Variants in CUL2 observed in about 807,000 individuals in gnomAD.
The protein encoded by CUL2 is cullin-2.
In CUL2, 22 loss-of-function variants were observed where a neutral mutation model predicts 110.2. The ratio of observed to expected loss-of-function variants is 0.20; its 90% CI spans 0.14 to 0.28. CUL2 has a LOEUF of 0.28. CUL2 is among the 10% of genes least tolerant of loss of function. CUL2 has a pLI of 1.00. For missense variants in CUL2, 631 were observed against 905.5 expected, an observed-to-expected ratio of 0.70 and a Z score of 3.89; for synonymous variants, 279 against 293.2, an observed-to-expected ratio of 0.95 and a Z score of 0.49.
chr10:35,046,085 T>G (rs2085931512), intron 6 of CUL2, among the ~76,000 whole-genome samples: 1 of 152,252 alleles, frequency 6.6e-6, no homozygotes, highest in Non-Finnish European at 1.5e-5. Context: ...CCTCTTTGAT[T>G]CTTCCTTTAA....
chr10:35,097,377 A>T (rs532845403), intron 2 of CUL2, among the ~76,000 whole-genome samples: 5 of 151,806 alleles, frequency 3.3e-5, no homozygotes, highest in Non-Finnish European at 7.4e-5. Context: ...GTGCAAGACC[A>T]GCCTGGGGAG....
chr10:35,055,951 G>A (rs1366672040), intron 4 of CUL2, among the ~76,000 whole-genome samples: 1 of 152,144 alleles, frequency 6.6e-6, no homozygotes, highest in African/African-American at 2.4e-5. Context: ...CCTTTCATCC[G>A]AGTCTCAGCA....
intron 1 of CUL2, among the ~76,000 whole-genome samples, chr10:35,109,125 A>T (rs1045685079): frequency 6.6e-6 from 1 of 152,084 alleles, no homozygotes; most frequent in African/African-American, 2.4e-5. Context: ...AGGTAAGAGG[A>T]TTGCTTGAGC....
chr10:35,116,559 CTT>C (rs1188829918), intron 1 of CUL2, among the ~76,000 whole-genome samples: 1 of 152,102 alleles, frequency 6.6e-6, no homozygotes, highest in African/African-American at 2.4e-5. Context: ...GTTTAACCCT[CTT>C]TGAATCCTTT....
chr10:35,085,975 C>G (rs539162767), intron 1 of CUL2, among the ~76,000 whole-genome samples: 35 of 152,186 alleles, frequency 2.3e-4, no homozygotes, highest in African/African-American at 7.7e-4. Context: ...GGGTAACAAA[C>G]CTACGTGTGT....
intron 1 of CUL2, among the ~76,000 whole-genome samples, chr10:35,075,434 A>G (rs923204916): frequency 2.0e-5 from 3 of 152,152 alleles, no homozygotes; most frequent in Non-Finnish European, 4.4e-5. Flanking sequence ...CAACTCATAA[A>G]TCTATCAGTC....
chr10:35,028,623 C>A (rs1456481744), intron 16 of CUL2, among the ~76,000 whole-genome samples, 187 bp downstream of exon 16: 4 of 152,118 alleles, frequency 2.6e-5, no homozygotes, highest in Non-Finnish European at 5.9e-5. Context: ...TTCTTCTTAG[C>A]ATTTTAGTAT....
intron 2 of CUL2, among the ~76,000 whole-genome samples, chr10:35,098,376 T>C (rs749610528): frequency 1.3e-5 from 2 of 152,202 alleles, no homozygotes; most frequent in Non-Finnish European, 2.9e-5. Context: ...CAAGGACTTA[T>C]ACATGACATG....
At chr10:35,010,804 C>T (rs1178973348) in intron 20 of CUL2, among the ~76,000 whole-genome samples, 1 of 152,148 alleles carries the variant, frequency 6.6e-6, no homozygotes, top group Non-Finnish European at 1.5e-5. Context: ...TCAGTGCATG[C>T]TAATGTAATT....
intron 1 of CUL2, among the ~76,000 whole-genome samples, chr10:35,112,475 A>C (rs1201104967): frequency 6.6e-6 from 1 of 152,176 alleles, no homozygotes; most frequent in African/African-American, 2.4e-5. Context: ...CTCTCTGGCT[A>C]AGTTGAGGAG....
At chr10:35,116,711 A>C (rs1347166007) in intron 1 of CUL2, among the ~76,000 whole-genome samples, 1 of 152,200 alleles carries the variant, frequency 6.6e-6, no homozygotes, top group Non-Finnish European at 1.5e-5. Context: ...TCAAGCCTGT[A>C]ATCCCAGCAT....
intron 6 of CUL2, among the ~76,000 whole-genome samples, chr10:35,047,588 C>A (rs2085977107): frequency 1.5e-5 from 2 of 135,144 alleles, no homozygotes; most frequent in South Asian, 4.7e-4. Flanking sequence ...CCAACCTGGG[C>A]AACAGAGCAA....
At chr10:35,104,161 C>A (rs1167475171) in intron 1 of CUL2, among the ~76,000 whole-genome samples, 2 of 152,100 alleles carry the variant, frequency 1.3e-5, no homozygotes, top group African/African-American at 4.8e-5. Context: ...AAGATGACAC[C>A]AGAGGCTGGG....
chr10:35,059,500 A>AT (rs1282734224), intron 4 of CUL2, among the ~76,000 whole-genome samples: 2 of 152,242 alleles, frequency 1.3e-5, no homozygotes, highest in Non-Finnish European at 2.9e-5. Flanking sequence ...AGTTGTGCAC[A>AT]TTTTTTTAGA....
intron 1 of CUL2, among the ~76,000 whole-genome samples, chr10:35,087,608 T>C (rs1454652779): frequency 2.0e-5 from 3 of 152,168 alleles, no homozygotes; most frequent in African/African-American, 7.2e-5. Flanking sequence ...CAACCTCTTC[T>C]TCATCTCAGT....
intron 1 of CUL2, among the ~76,000 whole-genome samples, chr10:35,101,505 T>A (rs924282664): frequency 9.2e-5 from 14 of 152,346 alleles, no homozygotes; most frequent in Admixed American, 9.2e-4. Context: ...GAAGCTACAA[T>A]GAAGACTTAA....
Position 35,044,785 on chromosome 10 carries a change from T to C in CUL2, c.590A>G (p.Lys197Arg), listed in dbSNP as rs1160531851. Residue 197 changes from lysine (K) to arginine (R), a missense_variant, in exon 7 of 21, where the codon AAA becomes AGA. Physicochemically the swap from Lys to Arg is conservative, Grantham distance 26 (BLOSUM62 2). Coordinates refer to ENST00000374749, the MANE Select transcript of CUL2 (RefSeq NM_003591.4). ...GAGGCTGTTTACCTTTAAGGGGAAT[T>C]TTTTCTTATACTGTTCAACATGAAC... ...SFVHVEQYKK[K>R]FPLKFYQEIF... 2.5e-6 allele frequency: 4 copies of C among 1,611,112 alleles called. No individual in the cohort carries two copies. Among genetic ancestry groups the C allele is most frequent in the Non-Finnish European group, 3.4e-6 (4 of 1,178,982 alleles).
At chr10:35,109,661 C>G (rs987937797) in intron 1 of CUL2, among the ~76,000 whole-genome samples, 1 of 152,160 alleles carries the variant, frequency 6.6e-6, no homozygotes, top group African/African-American at 2.4e-5. Context: ...ACAGTGGGAG[C>G]AGCAAGTGAA....
chr10:35,024,994 G>GT, intron 17 of CUL2, 138 bp downstream of exon 17: 1 of 1,215,228 alleles, frequency 8.2e-7, no homozygotes, highest in Non-Finnish European at 1.1e-6. Context: ...GGATTTCATT[G>GT]TTAGTTGCTT....
Sources: allele counts gnomAD v4.1 joint callset (sites outside exome capture counted in the v4.1 genomes callset), GRCh38; gene constraint gnomAD v4.1.1; transcripts MANE v1.5; gene names NCBI Gene and HGNC (gene_info 2026-07-23, HGNC 2026-07-21).